Variants in SH3D19 observed in about 807,000 individuals in gnomAD.
SH3D19 encodes SH3 domain-containing protein 19.
SH3D19 carries 58 observed loss-of-function variants against 112.1 expected under a neutral mutation model. The observed-to-expected ratio is 0.52, with a 90% confidence interval of 0.42 to 0.64. The LOEUF (loss-of-function observed/expected upper bound fraction) is 0.64, where lower values mean the gene tolerates loss of function less well. Among genes scored for constraint, SH3D19 ranks in the 30% least tolerant of loss-of-function variants. SH3D19 has a pLI of 0.00. For synonymous variants in SH3D19, 391 were observed against 448.5 expected, an observed-to-expected ratio of 0.87 and a Z score of 1.62; for missense variants, 1,090 against 1,263.4, an observed-to-expected ratio of 0.86 and a Z score of 2.08.
chr4:151,174,147 T>A (rs1193917310), intron 7 of SH3D19, among the ~76,000 whole-genome samples: 1 of 152,134 alleles, frequency 6.6e-6, no homozygotes, highest in Non-Finnish European at 1.5e-5. Flanking sequence ...CATTTTCGAG[T>A]CCTCCCCTGG....
At chr4:151,318,831 C>T (rs76863784) in intron 1 of SH3D19, among the ~76,000 whole-genome samples, 18,627 of 152,102 alleles carry the variant, frequency 0.12, 1,218 homozygotes, top group South Asian at 0.22. Context: ...AAAAATGAAC[C>T]AAGACAGTCT....
At chr4:151,139,713 G>A in intron 13 of SH3D19, 62 bp downstream of exon 13, 2 of 1,470,454 alleles carry the variant, frequency 1.4e-6, no homozygotes, top group Non-Finnish European at 1.9e-6. Flanking sequence ...CTAACCCCCG[G>A]CAGGGAAAAA....
Position 151,165,707 on chromosome 4 carries a change from A to G in SH3D19, c.1535-11T>C. ...GGAGCTGAAAGGGATCTAATGAAAA[A>G]CATAGTTTATTTTGCATGTTTTAGT... On this transcript the variant is annotated splice_polypyrimidine_tract_variant and intron_variant, in intron 7 of 19. Coordinates refer to ENST00000604030, the MANE Select transcript of SH3D19 (RefSeq NM_001378122.1). 1 of 1,610,112 alleles carries G rather than the reference A, an allele frequency of 6.2e-7. No homozygotes were observed.
intron 1 of SH3D19, among the ~76,000 whole-genome samples, chr4:151,312,076 T>C (rs962859541): frequency 1.3e-5 from 2 of 152,066 alleles, no homozygotes; most frequent in African/African-American, 4.8e-5. Context: ...TGTGAGGTGA[T>C]GGATCCTTTA....
In SH3D19 at chr4:151,132,221, A is replaced by G. The variant is rs1043954858; in HGVS notation, c.2742+110T>C. The G allele has an allele frequency of 6.5e-5, 54 of 831,378 alleles. No individual in the cohort carries two copies. The African/African-American group carries it at 7.6e-4, about 12-fold the overall frequency. 51.5% of individuals were successfully genotyped at this position (831,378 alleles called of 1,614,324 possible). A position where few individuals can be genotyped will look rare whatever the true frequency, so the allele number is the denominator to read the frequency against. On this transcript the variant is annotated intron_variant, in intron 17 of 19. Coordinates refer to ENST00000604030, the MANE Select transcript of SH3D19 (RefSeq NM_001378122.1). The stretch of plus-strand genomic sequence containing the variant: ...AGAATTTATTACAAACATTTGTTGT[A>G]TGAATTGAAAAATTAATTCATACTA...
chr4:151,159,202 A>T, intron 9 of SH3D19, 38 bp downstream of exon 9: 1 of 1,146,880 alleles, frequency 8.7e-7, no homozygotes, highest in Non-Finnish European at 1.2e-6. Flanking sequence ...ATGCATAGCT[A>T]CGTCTTCAAT....
intron 10 of SH3D19, among the ~76,000 whole-genome samples, chr4:151,149,293 A>G (rs945218722): frequency 1.3e-5 from 2 of 152,198 alleles, no homozygotes; most frequent in Admixed American, 1.3e-4. Flanking sequence ...TAAATGCTCT[A>G]TGAGTTGAAC....
chr4:151,161,402 T>C (rs1470386719), intron 8 of SH3D19, among the ~76,000 whole-genome samples: 2 of 152,176 alleles, frequency 1.3e-5, no homozygotes, highest in Non-Finnish European at 2.9e-5. Flanking sequence ...ATTATTATAT[T>C]AATAAAATTC....
intron 1 of SH3D19, among the ~76,000 whole-genome samples, chr4:151,297,269 C>G (rs2126309505): frequency 6.6e-6 from 1 of 152,352 alleles, no homozygotes; most frequent in South Asian, 2.1e-4. Context: ...AACCTAAATT[C>G]TCTCCACTGT....
intron 1 of SH3D19, among the ~76,000 whole-genome samples, chr4:151,260,550 C>G (rs1210904738): frequency 6.6e-6 from 1 of 152,168 alleles, no homozygotes; most frequent in Non-Finnish European, 1.5e-5. Context: ...ACCCCTGGAC[C>G]TTTGCAATAG....
At chr4:151,172,549 G>A (rs1440537952) in intron 7 of SH3D19, among the ~76,000 whole-genome samples, 1 of 152,188 alleles carries the variant, frequency 6.6e-6, no homozygotes, top group Admixed American at 6.5e-5. Flanking sequence ...CTAATTAGAT[G>A]TGAAGGCAGA....
At chr4:151,176,407 C>T (rs922834490) in intron 6 of SH3D19, 127 bp downstream of exon 6, 10 of 656,788 alleles carry the variant, frequency 1.5e-5, no homozygotes, top group Non-Finnish European at 2.2e-5. Context: ...ACACAGTGAT[C>T]ACACTGACTG....
chr4:151,183,382 C>A (rs1385900332), intron 3 of SH3D19, among the ~76,000 whole-genome samples: 2 of 152,132 alleles, frequency 1.3e-5, no homozygotes, highest in African/African-American at 2.4e-5. Flanking sequence ...AGTATTACCA[C>A]CAATAAAGAA....
intron 1 of SH3D19, 114 bp downstream of exon 1, chr4:151,325,124 AAAG>A (rs200997205): frequency 0.045 from 21,505 of 473,414 alleles, 633 homozygotes; most frequent in Non-Finnish European, 0.058. Flanking sequence ...TCTGAGAGTT[AAAG>A]AAGCCGGTCC....
chr4:151,264,151 G>A (rs190182220), intron 1 of SH3D19, among the ~76,000 whole-genome samples: 1 of 152,252 alleles, frequency 6.6e-6, no homozygotes, highest in East Asian at 1.9e-4. Flanking sequence ...CAACTCAGCT[G>A]GGTGTAGTGG....
chr4:151,189,414 A>G (rs569333624), intron 2 of SH3D19, among the ~76,000 whole-genome samples: 1 of 152,070 alleles, frequency 6.6e-6, no homozygotes, highest in East Asian at 1.9e-4. Flanking sequence ...TGCCCGGCCA[A>G]GTTTCTGTTG....
chr4:151,275,999 C>A (rs1176261769), intron 1 of SH3D19, among the ~76,000 whole-genome samples: 1 of 152,056 alleles, frequency 6.6e-6, no homozygotes, highest in African/African-American at 2.4e-5. Flanking sequence ...CACGCCACTA[C>A]ACCCAGCTAA....
chr4:151,310,072 C>T (rs540869095), intron 1 of SH3D19, among the ~76,000 whole-genome samples: 1 of 151,760 alleles, frequency 6.6e-6, no homozygotes, highest in East Asian at 2.0e-4. Flanking sequence ...TAACTAAGAC[C>T]CTGTCTCAAA....
At chr4:151,268,727 G>C (rs1261460094) in intron 1 of SH3D19, among the ~76,000 whole-genome samples, 5 of 142,628 alleles carry the variant, frequency 3.5e-5, no homozygotes, top group African/African-American at 7.9e-5. Context: ...TACTGAGAAT[G>C]ATGATTTCCA....
Sources: allele counts gnomAD v4.1 joint callset (sites outside exome capture counted in the v4.1 genomes callset), GRCh38; gene constraint gnomAD v4.1.1; transcripts MANE v1.5; gene names NCBI Gene and HGNC (gene_info 2026-07-23, HGNC 2026-07-21).